Variants in NEDD4L observed in about 807,000 individuals in gnomAD.
NEDD4L encodes the protein NEDD4 like E3 ubiquitin protein ligase.
In NEDD4L, 54 loss-of-function variants were observed where a neutral mutation model predicts 148.9. That is an observed-to-expected ratio of 0.36 (90% CI 0.29 to 0.45). NEDD4L has a LOEUF of 0.45. NEDD4L is among the 20% of genes least tolerant of loss of function. The pLI is 1.00. For missense variants in NEDD4L, 856 were observed against 1,233.8 expected (o/e 0.69, Z 4.59); for synonymous variants, 433 against 440.7 (o/e 0.98, Z 0.22).
chr18:58,364,224 G>A (rs977730872), intron 19 of NEDD4L, 44 bp from the exon 20 acceptor site: 3 of 1,157,000 alleles, frequency 2.6e-6, no homozygotes, highest in African/African-American at 1.5e-5. Flanking sequence ...TAAAATTTCA[G>A]GTGTATTGTT....
chr18:58,141,475 A>G (rs868477191), intron 1 of NEDD4L, among the ~76,000 whole-genome samples: 2 of 152,008 alleles, frequency 1.3e-5, no homozygotes, highest in African/African-American at 2.4e-5. Flanking sequence ...TTGAAAGACA[A>G]TTTTTGGGTT....
At position 58,342,975 on chromosome 18, in the gene NEDD4L, T is replaced by C; in HGVS notation, c.1447T>C (p.Ser483Pro). ...TTCCAACCCACAGTCCCCACAGCCATCACCTTACAACTCCCCCAAACCACA... is the reference window on the plus strand; with the variant it reads ...TTCCAACCCACAGTCCCCACAGCCACCACCTTACAACTCCCCCAAACCACA... ...TLSNPQSPQPSPYNSPKPQHK... is the reference protein window; with the variant it reads ...TLSNPQSPQPPPYNSPKPQHK... The change falls in exon 16 of 31, where the codon TCA becomes CCA. Residue 483 changes from serine (S) to proline (P), a missense_variant. Around this residue, in one of 4 missense-constraint regions of NEDD4L, gnomAD observed 367 missense variants for 422.7 expected, o/e 0.87. Coordinates refer to ENST00000400345, the MANE Select transcript of NEDD4L (RefSeq NM_001144967.3). 6.2e-7 allele frequency: 1 copy of C among 1,613,816 alleles called. No homozygotes were observed. The highest frequency in any genetic ancestry group is 8.5e-7 in the Non-Finnish European group (1 of 1,179,812).
At chr18:58,288,834 C>T (rs2054289159) in intron 5 of NEDD4L, among the ~76,000 whole-genome samples, 1 of 152,142 alleles carries the variant, frequency 6.6e-6, no homozygotes, top group Admixed American at 6.5e-5. Context: ...ACTAATGGTT[C>T]ATATTTGTTC....
At chr18:58,112,313 C>G (rs892364480) in intron 1 of NEDD4L, among the ~76,000 whole-genome samples, 4 of 152,010 alleles carry the variant, frequency 2.6e-5, no homozygotes, top group African/African-American at 9.7e-5. Flanking sequence ...AAATTACATC[C>G]TATCTCTTCT....
At chr18:58,204,427 A>G (rs2041770312) in intron 2 of NEDD4L, among the ~76,000 whole-genome samples, 1 of 152,368 alleles carries the variant, frequency 6.6e-6, no homozygotes, top group South Asian at 2.1e-4. Flanking sequence ...CTTATTCACA[A>G]TAAGCAGTTA....
At position 58,044,562 on chromosome 18, in the gene NEDD4L, C is replaced by A. The variant is rs1476686874; in HGVS notation, c.-99C>A. ...GGCAGGGCGTGCGCAGGGTAGGGTG[C>A]GGGACCGGGGGGACCTGGAGGCAGA... On this transcript the variant is annotated 5_prime_UTR_variant, in exon 1 of 31. Coordinates refer to ENST00000400345, the MANE Select transcript of NEDD4L (RefSeq NM_001144967.3). 1.4e-6 allele frequency: 2 copies of A among 1,381,792 alleles called. No homozygotes were observed. The highest frequency in any genetic ancestry group is 5.9e-5 in the East Asian group (2 of 34,158). 85.6% of individuals were successfully genotyped at this position (1,381,792 alleles called of 1,614,324 possible). A position where few individuals can be genotyped will look rare whatever the true frequency, so the allele number is the denominator to read the frequency against.
At chr18:58,098,795 C>T (rs978832766) in intron 1 of NEDD4L, among the ~76,000 whole-genome samples, 2 of 152,190 alleles carry the variant, frequency 1.3e-5, no homozygotes, top group African/African-American at 4.8e-5. Flanking sequence ...TGGTGGCTCA[C>T]AGTCATCACT....
rs55873387 is a variant in NEDD4L, at chr18:58,161,435, C to CTT, written c.49-4337_49-4336dup. ...AATATTTCCGTGTTTTTTTCTTTTT[C>CTT]TTTTTTTTTTTTTTTTTAACAAAAG... On this transcript the variant is annotated intron_variant, in intron 1 of 30. Coordinates refer to ENST00000400345, the MANE Select transcript of NEDD4L (RefSeq NM_001144967.3). Among the ~76,000 whole-genome samples, 1,222 of 140,292 alleles carry CTT rather than the reference C, an allele frequency of 8.7e-3. 19 individuals are homozygous for CTT. Among genetic ancestry groups the CTT allele is most frequent in the African/African-American group, 0.03 (1,156 of 38,492 alleles). 92.0% of individuals were successfully genotyped at this position (140,292 alleles called of 152,430 possible).
At chr18:58,054,536 T>G (rs1443617301) in intron 1 of NEDD4L, among the ~76,000 whole-genome samples, 1 of 152,150 alleles carries the variant, frequency 6.6e-6, no homozygotes, top group East Asian at 1.9e-4. Flanking sequence ...GGTTCAGGAA[T>G]GCGCTGAGTA....
intron 22 of NEDD4L, 106 bp from the exon 23 acceptor site, chr18:58,370,291 C>A: frequency 1.4e-6 from 1 of 739,834 alleles, no homozygotes; most frequent in Non-Finnish European, 2.4e-6. Context: ...GTTACTCCTT[C>A]ATGGTTTCTC....
intron 1 of NEDD4L, among the ~76,000 whole-genome samples, chr18:58,105,247 A>G (rs142663583): frequency 5.2e-4 from 79 of 152,246 alleles, no homozygotes; most frequent in Non-Finnish European, 1.0e-3. Flanking sequence ...AAGCCCAGAA[A>G]CGCATAATGG....
At chr18:58,045,236 G>C (rs1042114369) in intron 1 of NEDD4L, 5 of 397,906 alleles carry the variant, frequency 1.3e-5, no homozygotes, top group East Asian at 3.6e-5. Context: ...TGGGGGACAC[G>C]CTGCGTGTGT....
intron 2 of NEDD4L, among the ~76,000 whole-genome samples, chr18:58,185,881 A>AAAAATT (rs201867985): frequency 7.9e-5 from 12 of 152,110 alleles, no homozygotes; most frequent in Admixed American, 7.2e-4. Flanking sequence ...CTCAAAAAAA[A>AAAAATT]AAAATTAAAA....
At chr18:58,093,672 C>G (rs1378781040) in intron 1 of NEDD4L, among the ~76,000 whole-genome samples, 2 of 152,134 alleles carry the variant, frequency 1.3e-5, no homozygotes, top group Admixed American at 6.5e-5. Flanking sequence ...TTGCTACGTG[C>G]TCATGTGTTG....
intron 24 of NEDD4L, among the ~76,000 whole-genome samples, chr18:58,374,286 C>A (rs935646545): frequency 1.3e-5 from 2 of 152,162 alleles, no homozygotes; most frequent in African/African-American, 4.8e-5. Flanking sequence ...CAGGAGAGTT[C>A]AGTCTCTAGT....
intron 2 of NEDD4L, among the ~76,000 whole-genome samples, chr18:58,216,653 C>G (rs2043183947): frequency 6.6e-6 from 1 of 152,254 alleles, no homozygotes; most frequent in Admixed American, 6.5e-5. Flanking sequence ...CTGGGGGCCA[C>G]TGAGATGGGA....
intron 2 of NEDD4L, among the ~76,000 whole-genome samples, chr18:58,169,431 G>A (rs943891183): frequency 2.6e-5 from 4 of 151,996 alleles, no homozygotes; most frequent in Non-Finnish European, 4.4e-5. Flanking sequence ...TGAATGGGAC[G>A]TCCGGACATA....
Position 58,341,747 on chromosome 18 carries a change from C to T in NEDD4L, c.1327C>T (p.Arg443Trp). The change falls in exon 15 of 31, where the codon CGG (arginine) becomes TGG (tryptophan). Residue 443 changes from arginine to tryptophan, a missense_variant. By Grantham distance (101) the Arg-to-Trp change is moderately radical (BLOSUM62 -3). Coordinates refer to ENST00000400345, the MANE Select transcript of NEDD4L (RefSeq NM_001144967.3). ...CCATCTAATCGAGCCTCAGATCCGC[C>T]GGCCTCGTAGCCTCAGCTCGCCAAC... The part of the protein sequence containing the change: ...NNHLIEPQIR[R>W]PRSLSSPTVT... 1 of 1,613,856 alleles carries T rather than the reference C, an allele frequency of 6.2e-7. No individual in the cohort carries two copies. The highest frequency in any genetic ancestry group is 8.5e-7 in the Non-Finnish European group (1 of 1,179,860).
intron 2 of NEDD4L, among the ~76,000 whole-genome samples, chr18:58,220,079 TG>T (rs1179453085): frequency 6.6e-6 from 1 of 152,208 alleles, no homozygotes; most frequent in Non-Finnish European, 1.5e-5. Context: ...CCTCAACTGC[TG>T]AAGACTGAAA....
Sources: allele counts gnomAD v4.1 joint callset (sites outside exome capture counted in the v4.1 genomes callset), GRCh38; gene constraint gnomAD v4.1.1; regional missense constraint gnomAD v4.1.1; transcripts MANE v1.5; gene names NCBI Gene and HGNC (gene_info 2026-07-23, HGNC 2026-07-21).